ADGB: variants seen among roughly 807,000 people sequenced by gnomAD.
ADGB encodes the protein calpain-7-like protein.
ADGB carries 172 observed loss-of-function variants against 210.5 expected under a neutral mutation model. That is an observed-to-expected ratio of 0.82 (90% CI 0.72 to 0.93). ADGB has a LOEUF of 0.93. Ranked by LOEUF, ADGB falls within the 40% of genes least tolerant of loss-of-function variation. The pLI, the probability that ADGB is intolerant of heterozygous loss-of-function variation, is 0.00. For missense variants in ADGB, 2,025 were observed against 1,964.8 expected, an observed-to-expected ratio of 1.03 and a Z score of -0.58; for synonymous variants, 658 against 662.7, an observed-to-expected ratio of 0.99 and a Z score of 0.11.
intron 12 of ADGB, 151 bp from the exon 13 acceptor site, chr6:146,700,790 A>C (rs1776478580): frequency 4.9e-6 from 4 of 819,588 alleles, no homozygotes; most frequent in Non-Finnish European, 7.5e-6. Flanking sequence ...TTTTAACATG[A>C]GGTAAAAAAC....
intron 8 of ADGB, among the ~76,000 whole-genome samples, chr6:146,672,817 A>C (rs1412222844): frequency 1.3e-5 from 2 of 148,704 alleles, no homozygotes; most frequent in African/African-American, 5.0e-5. Context: ...TGCAACCTTC[A>C]TCTCCCAGGA....
chr6:146,808,965 A>C (rs1778256892), intron 35 of ADGB, among the ~76,000 whole-genome samples: 1 of 151,978 alleles, frequency 6.6e-6, no homozygotes, highest in African/African-American at 2.4e-5. Flanking sequence ...GAGGCCGCGA[A>C]GGCCTCGAGC....
intron 33 of ADGB, among the ~76,000 whole-genome samples, chr6:146,792,798 G>A (rs1041868584): frequency 2.6e-5 from 4 of 152,144 alleles, no homozygotes; most frequent in African/African-American, 9.7e-5. Context: ...AGCACAAAAT[G>A]TCTTCAAGAC....
intron 5 of ADGB, among the ~76,000 whole-genome samples, chr6:146,662,252 C>T (rs967049117): frequency 6.6e-6 from 1 of 152,006 alleles, no homozygotes; most frequent in Non-Finnish European, 1.5e-5. Context: ...TTCTTTTTTT[C>T]AGTGGCAACA....
chr6:146,644,237 T>G (rs939158862), intron 2 of ADGB, among the ~76,000 whole-genome samples: 1 of 151,910 alleles, frequency 6.6e-6, no homozygotes, highest in Non-Finnish European at 1.5e-5. Context: ...TTGTATTATT[T>G]CATACAGTTG....
At chr6:146,724,796 G>A (rs2114575826) in intron 18 of ADGB, 1 of 152,032 alleles carries the variant, frequency 6.6e-6, no homozygotes, top group South Asian at 2.1e-4. Flanking sequence ...GCTTATTTTT[G>A]TTAGATATTA....
chr6:146,657,812 T>C (rs1354930260), intron 5 of ADGB, among the ~76,000 whole-genome samples: 1 of 152,180 alleles, frequency 6.6e-6, no homozygotes, highest in Non-Finnish European at 1.5e-5. Flanking sequence ...AAGCAAATCT[T>C]ACCCTGAGAC....
chr6:146,691,442 A>ATATTAAATATAT (rs1491360806), intron 11 of ADGB, among the ~76,000 whole-genome samples, 152 bp downstream of exon 11: 1 of 55,018 alleles, frequency 1.8e-5, no homozygotes, highest in Non-Finnish European at 2.7e-5. Context: ...ATATATATAT[A>ATATTAAATATAT]AAAATATATA....
intron 14 of ADGB, 126 bp from the exon 15 acceptor site, chr6:146,716,757 T>G (rs1776741618): frequency 1.2e-6 from 1 of 834,420 alleles, no homozygotes; most frequent in Non-Finnish European, 1.8e-6. Flanking sequence ...GTATGAAGCC[T>G]GGATTATCTC....
At chr6:146,770,632 T>A (rs1777637534) in intron 29 of ADGB, 1 of 465,986 alleles carries the variant, frequency 2.1e-6, no homozygotes, top group Non-Finnish European at 4.5e-6. Context: ...CCTAATGGCA[T>A]CCTGGCCTGC....
chr6:146,769,046 G>A lies in ADGB; in HGVS notation c.3777G>A (p.Ser1259=), dbSNP rs763128322. The part of the protein sequence containing the change: ...LQNYKYIIQC[S]VLYNSWPLTE... ...ATTACAAGTATATTATACAGTGTTCGGTGTTGTATAACAGTTGGCCTCTCA... is the reference window on the plus strand; with the variant it reads ...ATTACAAGTATATTATACAGTGTTCAGTGTTGTATAACAGTTGGCCTCTCA... Residue 1259 remains serine (S), a synonymous_variant, in exon 29 of 36, where the codon TCG becomes TCA. Transcript: ENST00000397944. 1.9e-5 allele frequency: 29 copies of A among 1,522,800 alleles called. No individual in the cohort carries two copies. The highest frequency in any genetic ancestry group is 1.9e-4 in the South Asian group (15 of 80,678). The allele number at this position is 1,522,800 out of a possible 1,614,324, so 94.3% of individuals were successfully genotyped here.
intron 12 of ADGB, 136 bp from the exon 13 acceptor site, chr6:146,700,805 C>A: frequency 1.0e-6 from 1 of 974,558 alleles, no homozygotes; most frequent in Non-Finnish European, 1.5e-6. Flanking sequence ...AAAAACATTA[C>A]TGGTAGTAAA....
At chr6:146,726,566 T>C (rs1234027152) in intron 19 of ADGB, among the ~76,000 whole-genome samples, 3 of 152,202 alleles carry the variant, frequency 2.0e-5, no homozygotes, top group Non-Finnish European at 4.4e-5. Context: ...GATTTTGAAC[T>C]AAACACATTT....
Position 146,664,227 on chromosome 6 carries a change from T to G in ADGB, c.639T>G (p.Asp213Glu). 1 of 1,548,056 alleles carries G rather than the reference T, an allele frequency of 6.5e-7. No homozygotes were observed. Among genetic ancestry groups the G allele is most frequent in the Non-Finnish European group, 8.7e-7 (1 of 1,145,300 alleles). Reference protein sequence around the residue: ...WMGCWRKITIDDFLPFDEDNN... With the variant: ...WMGCWRKITIEDFLPFDEDNN... ...GTTGCTGGAGAAAGATAACAATTGA[T>G]GACTTTTTGCCTTTTGATGAAGATA... Residue 213 changes from aspartate (D) to glutamate (E), a missense_variant, in exon 6 of 36, where the codon GAT (aspartate) becomes GAG (glutamate). Physicochemically the swap from Asp to Glu is conservative, Grantham distance 45. Coordinates refer to ENST00000397944, the MANE Select transcript of ADGB (RefSeq NM_024694.4).
chr6:146,618,101 A>G (rs1374451007), intron 1 of ADGB, among the ~76,000 whole-genome samples: 1 of 152,074 alleles, frequency 6.6e-6, no homozygotes, highest in Non-Finnish European at 1.5e-5. Context: ...AGAGAAAAAT[A>G]TATTTACTGT....
At chr6:146,754,847 G>C (rs748849935) in intron 27 of ADGB, among the ~76,000 whole-genome samples, 39 of 151,950 alleles carry the variant, frequency 2.6e-4, no homozygotes, top group Non-Finnish European at 5.0e-4. Flanking sequence ...TTTGGAGGTA[G>C]TTTGATGTCT....
intron 11 of ADGB, among the ~76,000 whole-genome samples, chr6:146,692,248 C>T (rs1371181764): frequency 1.3e-5 from 2 of 152,000 alleles, no homozygotes; most frequent in Non-Finnish European, 2.9e-5. Flanking sequence ...TTTCATTGTT[C>T]ACCATGGTAA....
intron 33 of ADGB, among the ~76,000 whole-genome samples, chr6:146,800,306 G>A (rs1015538814): frequency 2.6e-5 from 4 of 152,040 alleles, no homozygotes; most frequent in Non-Finnish European, 4.4e-5. Context: ...AAATGTCCAG[G>A]AAAGACAAAT....
intron 35 of ADGB, chr6:146,803,852 CG>C (rs1778170647): frequency 6.0e-6 from 2 of 335,548 alleles, no homozygotes; most frequent in Non-Finnish European, 1.1e-5. Context: ...GCCGCGCGCG[CG>C]GCCTGCCGGG....
Sources: gnomAD v4.1 joint callset for allele counts (sites outside exome capture counted in the v4.1 genomes callset) on GRCh38, gnomAD v4.1.1 for gene constraint, MANE v1.5 for transcripts, NCBI Gene and HGNC (gene_info 2026-07-23, HGNC 2026-07-21) for gene names.